Variants in TFCP2L1 observed in about 807,000 individuals in gnomAD.
The protein encoded by TFCP2L1 is transcription factor CP2 like 1, also known as transcription factor CP2-like protein 1.
A neutral mutation model predicts 72.2 loss-of-function variants in TFCP2L1; 12 were observed. That is an observed-to-expected ratio of 0.17 (90% CI 0.11 to 0.27). The LOEUF is 0.27. Among genes scored for constraint, TFCP2L1 ranks in the 10% least tolerant of loss-of-function variants. The pLI is 1.00. For synonymous variants in TFCP2L1, 260 were observed against 251.0 expected, an observed-to-expected ratio of 1.04 and a Z score of -0.34; for missense variants, 488 against 624.6, an observed-to-expected ratio of 0.78 and a Z score of 2.33.
intron 10 of TFCP2L1, 99 bp from the exon 11 acceptor site, chr2:121,235,410 T>G (rs183129561): frequency 3.8e-5 from 38 of 997,276 alleles, no homozygotes; most frequent in African/African-American, 6.6e-5. Flanking sequence ...GGGTGGGGGG[T>G]GGGGAAGAGC....
At chr2:121,248,894 G>A (rs1573375010) in intron 4 of TFCP2L1, 88 bp downstream of exon 4, 2 of 1,079,104 alleles carry the variant, frequency 1.9e-6, no homozygotes, top group East Asian at 2.9e-5. Context: ...ACGCCTTCTC[G>A]GCATAGGTCC....
At chr2:121,283,667 C>A (rs762267197) in intron 1 of TFCP2L1, among the ~76,000 whole-genome samples, 1 of 152,204 alleles carries the variant, frequency 6.6e-6, no homozygotes, top group Non-Finnish European at 1.5e-5. Flanking sequence ...TTGTAGGTAT[C>A]TAGGAAGTTT....
Position 121,234,182 on chromosome 2 carries a change from T to C in TFCP2L1, c.1107A>G (p.Pro369=), listed in dbSNP as rs529057707. Residue 369 remains proline, a synonymous_variant, in exon 12 of 15, where the codon CCA becomes CCG. Transcript: ENST00000263707. ...FNAIKGRNVR[P]KMTIYVCQEL... ...CCTGACAGACATAAATGGTCATCTTTGGCCTCACATTCCTGGCAGGAGAAG... is the reference window on the plus strand; with the variant it reads ...CCTGACAGACATAAATGGTCATCTTCGGCCTCACATTCCTGGCAGGAGAAG... 8.7e-6 allele frequency: 14 copies of C among 1,614,194 alleles called. No homozygotes were observed. In the South Asian group the frequency reaches 1.4e-4, roughly 16 times the overall value.
At chr2:121,239,126 G>GT (rs1686310034) in intron 8 of TFCP2L1, among the ~76,000 whole-genome samples, 1 of 152,130 alleles carries the variant, frequency 6.6e-6, no homozygotes, top group South Asian at 2.1e-4. Flanking sequence ...CAGTTTCTGT[G>GT]TTGTAAGGCC....
chr2:121,263,534 C>T (rs150418575), intron 2 of TFCP2L1, among the ~76,000 whole-genome samples: 52 of 133,496 alleles, frequency 3.9e-4, no homozygotes, highest in Admixed American at 1.7e-3. Context: ...TCACTTGTAA[C>T]AGTTACGAGA....
rs949884552 is a variant in TFCP2L1 at position 121,217,865 on chromosome 2, C to T, written c.*6476G>A. ...AGCAAAGGGCTCTGCATTCCCACCA[C>T]GAGGCGGGGTGGACTCTGCAGGAGC... On this transcript the variant is annotated 3_prime_UTR_variant, in exon 15 of 15. Coordinates refer to ENST00000263707, the MANE Select transcript of TFCP2L1 (RefSeq NM_014553.3). 3.9e-5 allele frequency: 6 copies of T among 152,292 alleles called. No individual in the cohort carries two copies. The highest frequency in any genetic ancestry group is 3.8e-4 in the East Asian group (2 of 5,200). 9.4% of individuals were successfully genotyped at this position (152,292 alleles called of 1,614,324 possible).
chr2:121,268,823 T>C lies in TFCP2L1; in HGVS notation c.214+12297A>G, dbSNP rs545465380. ...GTTTACTTTAATAACACATACTAGA[T>C]ACCTTTCACGGCCATACAGAAGGAC... On this transcript the variant is annotated intron_variant, in intron 2 of 14. Coordinates refer to ENST00000263707, the MANE Select transcript of TFCP2L1 (RefSeq NM_014553.3). Among the ~76,000 whole-genome samples, 8 of 149,732 alleles carry C rather than the reference T, an allele frequency of 5.3e-5. No individual in the cohort carries two copies. The South Asian group carries it at 1.3e-3, about 24-fold the overall frequency.
rs1458949424 is a variant in TFCP2L1 at position 121,224,084 on chromosome 2, C to A, written c.*257G>T. On this transcript the variant is annotated 3_prime_UTR_variant, in exon 15 of 15. Transcript: ENST00000263707. ...GCCCTTTTAGAACGTCAGGGTTGGACCAATAGAAAAGAACAAGGAACCATT... is the reference window on the plus strand; with the variant it reads ...GCCCTTTTAGAACGTCAGGGTTGGAACAATAGAAAAGAACAAGGAACCATT... 8.9e-6 allele frequency: 5 copies of A among 559,398 alleles called. No individual in the cohort carries two copies. The highest frequency in any genetic ancestry group is 8.8e-5 in the South Asian group (4 of 45,616). 34.7% of individuals were successfully genotyped at this position (559,398 alleles called of 1,614,324 possible). A position where few individuals can be genotyped will look rare whatever the true frequency, so the allele number is the denominator to read the frequency against.
At position 121,224,106 on chromosome 2, in the gene TFCP2L1, C is replaced by A; in HGVS notation, c.*235G>T. 1 of 584,312 alleles carries A rather than the reference C, an allele frequency of 1.7e-6. No individual in the cohort carries two copies. 36.2% of individuals were successfully genotyped at this position (584,312 alleles called of 1,614,324 possible). A position where few individuals can be genotyped will look rare whatever the true frequency, so the allele number is the denominator to read the frequency against. On this transcript the variant is annotated 3_prime_UTR_variant, in exon 15 of 15. Transcript: ENST00000263707. The stretch of plus-strand genomic sequence containing the variant: ...GGACCAATAGAAAAGAACAAGGAAC[C>A]ATTCAAAATCTGGAGGCCAAGAGGA...
At chr2:121,276,672 A>C (rs978201472) in intron 2 of TFCP2L1, among the ~76,000 whole-genome samples, 1 of 151,972 alleles carries the variant, frequency 6.6e-6, no homozygotes, top group African/African-American at 2.4e-5. Flanking sequence ...AAAAAGTTTC[A>C]GAATTGACTT....
chr2:121,269,918 A>AAAAAAAAAAAATATAT, intron 2 of TFCP2L1, among the ~76,000 whole-genome samples: 9 of 115,178 alleles, frequency 7.8e-5, no homozygotes, highest in African/African-American at 3.3e-4. Context: ...AAAAAAAAAA[A>AAAAAAAAAAAATATAT]ATATATATAT....
At chr2:121,279,720 T>C (rs1687217076) in intron 2 of TFCP2L1, among the ~76,000 whole-genome samples, 1 of 152,210 alleles carries the variant, frequency 6.6e-6, no homozygotes, top group Non-Finnish European at 1.5e-5. Flanking sequence ...AAGCTACACA[T>C]GTAAGACAAA....
chr2:121,241,051 G>C (rs1177944359), intron 7 of TFCP2L1, among the ~76,000 whole-genome samples: 1 of 152,186 alleles, frequency 6.6e-6, no homozygotes, highest in Non-Finnish European at 1.5e-5. Flanking sequence ...GGCCGGCAGG[G>C]GCCTTACCAC....
At chr2:121,277,594 T>C (rs367645750) in intron 2 of TFCP2L1, among the ~76,000 whole-genome samples, 2 of 152,232 alleles carry the variant, frequency 1.3e-5, no homozygotes, top group African/African-American at 4.8e-5. Flanking sequence ...AAGATTTATA[T>C]GCAAGGATGT....
At chr2:121,225,853 C>T (rs970207835) in intron 13 of TFCP2L1, among the ~76,000 whole-genome samples, 5 of 149,664 alleles carry the variant, frequency 3.3e-5, no homozygotes, top group Non-Finnish European at 7.4e-5. Flanking sequence ...ACCACTGCCA[C>T]GGTGCCCACA....
At chr2:121,251,585 A>C (rs1686614535) in intron 2 of TFCP2L1, among the ~76,000 whole-genome samples, 1 of 152,240 alleles carries the variant, frequency 6.6e-6, no homozygotes, top group East Asian at 1.9e-4. Flanking sequence ...ATTAGACAGG[A>C]GGAATAACTT....
intron 12 of TFCP2L1, among the ~76,000 whole-genome samples, chr2:121,233,876 C>T (rs1344751687): frequency 6.6e-6 from 1 of 152,222 alleles, no homozygotes; most frequent in African/African-American, 2.4e-5. Context: ...TCGGGGTGTG[C>T]ACTAAGGCAG....
At chr2:121,266,876 T>C (rs1475977421) in intron 2 of TFCP2L1, among the ~76,000 whole-genome samples, 1 of 146,146 alleles carries the variant, frequency 6.8e-6, no homozygotes, top group Non-Finnish European at 1.5e-5. Flanking sequence ...TATAATTATT[T>C]TTTTCATTAT....
rs1013040964 is a variant in TFCP2L1 at position 121,221,948 on chromosome 2, A to G, written c.*2393T>C. 1 of 86,734 alleles carries G rather than the reference A, an allele frequency of 1.2e-5. No homozygotes were observed. The highest frequency in any genetic ancestry group is 3.0e-5 in the Non-Finnish European group (1 of 33,056). 5.4% of individuals were successfully genotyped at this position (86,734 alleles called of 1,614,324 possible). A position where few individuals can be genotyped will look rare whatever the true frequency, so the allele number is the denominator to read the frequency against. On this transcript the variant is annotated 3_prime_UTR_variant, in exon 15 of 15. Transcript: ENST00000263707. ...CCCTGGTAGTCTAGTGGTTAGGAAAACAGAAAACTTAAAAAAAAAAAGACA... is the reference window on the plus strand; with the variant it reads ...CCCTGGTAGTCTAGTGGTTAGGAAAGCAGAAAACTTAAAAAAAAAAAGACA...
Sources: gnomAD v4.1 joint callset for allele counts (sites outside exome capture counted in the v4.1 genomes callset) on GRCh38, gnomAD v4.1.1 for gene constraint, MANE v1.5 for transcripts, NCBI Gene and HGNC (gene_info 2026-07-23, HGNC 2026-07-21) for gene names.